The following COL18A1 variants were observed in gnomAD, a reference collection of about 807,000 sequenced individuals.
COL18A1 encodes the protein collagen type XVIII alpha 1 chain.
COL18A1 carries 133 observed loss-of-function variants against 168.0 expected under a neutral mutation model. The observed-to-expected ratio is 0.79, with a 90% CI of 0.69 to 0.91. COL18A1 has a LOEUF of 0.91. Ranked by LOEUF, COL18A1 falls within the 40% of genes least tolerant of loss-of-function variation. The pLI is 0.00. For missense variants in COL18A1, 2,126 were observed against 1,925.4 expected, an observed-to-expected ratio of 1.10 and a Z score of -1.95; for synonymous variants, 949 against 809.0, an observed-to-expected ratio of 1.17 and a Z score of -2.94.
Position 45,509,579 on chromosome 21 carries a change from G to T in COL18A1, c.3473G>T (p.Ser1158Ile). The T allele has an allele frequency of 6.6e-7, 1 of 1,524,420 alleles. No individual in the cohort carries two copies. 94.4% of individuals were successfully genotyped at this position (1,524,420 alleles called of 1,614,324 possible). A position where few individuals can be genotyped will look rare whatever the true frequency, so the allele number is the denominator to read the frequency against. The change falls in exon 39 of 42, where the codon AGC becomes ATC. Residue 1158 changes from serine (S) to isoleucine (I), a missense_variant. Physicochemically the swap from Ser to Ile is moderately radical, Grantham distance 142. Coordinates refer to ENST00000651438, the MANE Select transcript of COL18A1 (RefSeq NM_001379500.1). Reference protein sequence around the residue: ...PARPTSPPAHSHRDFQPVLHL... With the variant: ...PARPTSPPAHIHRDFQPVLHL... Reference sequence around the variant, plus strand: ...CGACCCACAAGCCCACCCGCCCACAGCCACCGCGACTTCCAGCCGGTGGTG... The same window carrying T: ...CGACCCACAAGCCCACCCGCCCACATCCACCGCGACTTCCAGCCGGTGGTG...
intron 2 of COL18A1, among the ~76,000 whole-genome samples, chr21:45,426,707 G>T (rs751164522): frequency 6.6e-6 from 1 of 152,248 alleles, no homozygotes. Context: ...CCCTCTGCAC[G>T]TGCTGCTGAT....
intron 2 of COL18A1, among the ~76,000 whole-genome samples, chr21:45,462,712 C>A (rs1229625877): frequency 6.6e-6 from 1 of 152,156 alleles, no homozygotes; most frequent in Non-Finnish European, 1.5e-5. Context: ...ATTTTAAAGT[C>A]TTTGTCTAGT....
intron 9 of COL18A1, among the ~76,000 whole-genome samples, chr21:45,479,189 G>T (rs1280362459): frequency 3.3e-5 from 5 of 152,004 alleles, no homozygotes; most frequent in Non-Finnish European, 7.4e-5. Flanking sequence ...TGTGTGTGGG[G>T]GGGTGAGGAT....
chr21:45,406,902 C>T (rs916461579), intron 2 of COL18A1, among the ~76,000 whole-genome samples: 1 of 152,256 alleles, frequency 6.6e-6, no homozygotes, highest in African/African-American at 2.4e-5. Flanking sequence ...CAGGCCTCAG[C>T]AGGGAAAGTT....
chr21:45,422,838 A>C (rs1398910850), intron 2 of COL18A1, among the ~76,000 whole-genome samples: 1 of 150,682 alleles, frequency 6.6e-6, no homozygotes, highest in Non-Finnish European at 1.5e-5. Context: ...CCCAGGCTGG[A>C]GTGCAATGGC....
At chr21:45,434,371 C>G (rs112477446) in intron 2 of COL18A1, among the ~76,000 whole-genome samples, 3 of 152,260 alleles carry the variant, frequency 2.0e-5, no homozygotes, top group Non-Finnish European at 2.9e-5. Context: ...AACCAGGTAC[C>G]TTTCCCATCT....
At chr21:45,448,363 C>T (rs562897534) in intron 2 of COL18A1, among the ~76,000 whole-genome samples, 15 of 152,348 alleles carry the variant, frequency 9.8e-5, no homozygotes, top group Non-Finnish European at 1.5e-4. Context: ...CCTCCACATG[C>T]GTACATATCC....
intron 2 of COL18A1, among the ~76,000 whole-genome samples, chr21:45,428,935 G>A (rs1005596992): frequency 1.3e-5 from 2 of 148,484 alleles, no homozygotes; most frequent in African/African-American, 5.0e-5. Flanking sequence ...ACGGAGTCTT[G>A]CTCTGTTTTC....
At chr21:45,415,038 G>A (rs1247314860) in intron 2 of COL18A1, among the ~76,000 whole-genome samples, 3 of 152,200 alleles carry the variant, frequency 2.0e-5, no homozygotes, top group South Asian at 2.1e-4. Flanking sequence ...TGCGGGCACC[G>A]TGACTTCTGA....
chr21:45,405,293 G>GGGGCTGC, intron 1 of COL18A1, 52 bp downstream of exon 1: 1 of 837,576 alleles, frequency 1.2e-6, no homozygotes, highest in Non-Finnish European at 1.6e-6. Context: ...TGCGGCTGCG[G>GGGGCTGC]GGGTCGCGGG....
intron 34 of COL18A1, 152 bp from the exon 35 acceptor site, chr21:45,504,982 G>T: frequency 1.0e-6 from 1 of 961,628 alleles, no homozygotes; most frequent in African/African-American, 1.6e-5. Flanking sequence ...TGGTGTGGGG[G>T]TTTCTCAGGC....
intron 2 of COL18A1, among the ~76,000 whole-genome samples, chr21:45,431,582 G>A (rs1428206723): frequency 6.6e-6 from 1 of 151,514 alleles, no homozygotes; most frequent in East Asian, 2.0e-4. Flanking sequence ...CGGCCCTGGG[G>A]GTCAGGGGTG....
chr21:45,493,497 C>A lies in COL18A1; in HGVS notation c.2278-4C>A. 1.3e-6 allele frequency: 2 copies of A among 1,557,926 alleles called. No individual in the cohort carries two copies. Among genetic ancestry groups the A allele is most frequent in the Non-Finnish European group, 1.7e-6 (2 of 1,151,560 alleles). On this transcript the variant is annotated splice_polypyrimidine_tract_variant and splice_region_variant and intron_variant, in intron 25 of 41. Transcript: ENST00000651438. ...TGACTCTGCTGGACCTCCTGCCATT[C>A]CAGGGTGAGAAGGGTGAACCGGGCA...
chr21:45,492,200 G>A (rs894193006), intron 22 of COL18A1, among the ~76,000 whole-genome samples: 3 of 152,204 alleles, frequency 2.0e-5, no homozygotes, highest in Non-Finnish European at 2.9e-5. Context: ...GGACCTCGGC[G>A]TGACGGTCAA....
chr21:45,459,933 C>T (rs1401254419), intron 2 of COL18A1, among the ~76,000 whole-genome samples: 1 of 152,128 alleles, frequency 6.6e-6, no homozygotes, highest in East Asian at 1.9e-4. Flanking sequence ...CTGGACTTTG[C>T]TCTCTACACC....
At chr21:45,416,613 C>G (rs969135364) in intron 2 of COL18A1, among the ~76,000 whole-genome samples, 7 of 152,156 alleles carry the variant, frequency 4.6e-5, no homozygotes, top group African/African-American at 1.7e-4. Flanking sequence ...GGACCGCGGT[C>G]CGTCCTCTGT....
intron 2 of COL18A1, among the ~76,000 whole-genome samples, chr21:45,444,011 G>A (rs926012690): frequency 1.3e-5 from 2 of 152,178 alleles, no homozygotes; most frequent in African/African-American, 4.8e-5. Flanking sequence ...ATGTTGCCAC[G>A]CAAGAATTCA....
rs769716996 is a variant in COL18A1, at chr21:45,505,962, T to C, written c.3212T>C (p.Val1071Ala). 1 of 1,612,738 alleles carries C rather than the reference T, an allele frequency of 6.2e-7. No homozygotes were observed. Among genetic ancestry groups the C allele is most frequent in the Admixed American group, 1.7e-5 (1 of 59,966 alleles). ...YVRVQNGFRK[V>A]QLEARTPLPR... is the part of the protein sequence containing the mutation. ...CGCGTGCAGAACGGGTTCCGGAAGGTCCAGGTGAGCGCTCTGTGTGACGGG... is the reference window on the plus strand; with the variant it reads ...CGCGTGCAGAACGGGTTCCGGAAGGCCCAGGTGAGCGCTCTGTGTGACGGG... Residue 1071 changes from valine (V) to alanine (A), a missense_variant, in exon 37 of 42, where the codon GTC becomes GCC. By Grantham distance (64) the Val-to-Ala change is moderately conservative (BLOSUM62 0). Transcript: ENST00000651438.
chr21:45,486,327 C>T (rs9977360), intron 15 of COL18A1, among the ~76,000 whole-genome samples: 1,866 of 93,770 alleles, frequency 0.02, 31 homozygotes, highest in East Asian at 0.036. Flanking sequence ...CTTCTCCCCT[C>T]GCCTGCCGGG....
Sources: gnomAD v4.1 joint callset for allele counts (sites outside exome capture counted in the v4.1 genomes callset) on GRCh38, gnomAD v4.1.1 for gene constraint, MANE v1.5 for transcripts, NCBI Gene and HGNC (gene_info 2026-07-23, HGNC 2026-07-21) for gene names.